SDK1: variants seen among roughly 807,000 people sequenced by gnomAD.
SDK1 encodes the protein protein sidekick-1.
SDK1 carries 157 observed loss-of-function variants against 245.5 expected under a neutral mutation model. The ratio of observed to expected loss-of-function variants is 0.64; its 90% CI spans 0.56 to 0.73. SDK1 has a LOEUF of 0.73. SDK1 is among the 30% of genes least tolerant of loss of function. The probability of loss-of-function intolerance (pLI) is 0.00; values close to 1 mark genes in which losing one functional copy is unlikely to be tolerated. For missense variants in SDK1, 3,583 were observed against 3,002.3 expected (o/e 1.19, Z -4.52); for synonymous variants, 1,647 against 1,278.5 (o/e 1.29, Z -6.15).
At chr7:3,955,766 G>A (rs1386892694) in intron 7 of SDK1, among the ~76,000 whole-genome samples, 1 of 152,230 alleles carries the variant, frequency 6.6e-6, no homozygotes, top group African/African-American at 2.4e-5. Flanking sequence ...GCATGGTGTT[G>A]TTGGGGGGTC....
intron 1 of SDK1, among the ~76,000 whole-genome samples, chr7:3,518,643 C>T (rs1207070864): frequency 6.6e-6 from 1 of 151,826 alleles, no homozygotes; most frequent in Non-Finnish European, 1.5e-5. Flanking sequence ...TCATCTCATC[C>T]CAGATAGGAT....
intron 5 of SDK1, among the ~76,000 whole-genome samples, chr7:3,869,609 G>C (rs7785172): frequency 6.6e-6 from 1 of 152,094 alleles, no homozygotes; most frequent in African/African-American, 2.4e-5. Flanking sequence ...TCCCCTCCCT[G>C]CTTGCTCAGC....
intron 25 of SDK1, among the ~76,000 whole-genome samples, chr7:4,115,370 G>A (rs1584185821): frequency 6.6e-6 from 1 of 152,338 alleles, no homozygotes; most frequent in African/African-American, 2.4e-5. Context: ...GAGGAGGTAT[G>A]AAGGGTTGAG....
At chr7:3,626,329 A>G (rs771968311) in intron 2 of SDK1, among the ~76,000 whole-genome samples, 32 of 152,232 alleles carry the variant, frequency 2.1e-4, no homozygotes, top group Non-Finnish European at 3.4e-4. Context: ...TGTTAAGTCT[A>G]ATTCATGAAA....
intron 4 of SDK1, among the ~76,000 whole-genome samples, chr7:3,762,448 G>A (rs182826327): frequency 2.6e-4 from 40 of 152,294 alleles, no homozygotes; most frequent in Admixed American, 4.6e-4. Context: ...CAAAAAACTA[G>A]TACTTCATTT....
chr7:3,700,973 G>C (rs1463039996), intron 4 of SDK1, among the ~76,000 whole-genome samples: 1 of 152,158 alleles, frequency 6.6e-6, no homozygotes, highest in Non-Finnish European at 1.5e-5. Context: ...AATGTGGAGA[G>C]CGGACATCTT....
intron 1 of SDK1, among the ~76,000 whole-genome samples, chr7:3,323,692 C>G (rs1031094416): frequency 2.6e-5 from 4 of 152,224 alleles, no homozygotes; most frequent in African/African-American, 9.6e-5. Context: ...GTTGGAGAAA[C>G]TCTGGGTTCA....
At chr7:3,361,085 T>C (rs1780938770) in intron 1 of SDK1, among the ~76,000 whole-genome samples, 1 of 152,196 alleles carries the variant, frequency 6.6e-6, no homozygotes, top group South Asian at 2.1e-4. Flanking sequence ...ACCGTATTGA[T>C]CAAATCATCT....
chr7:4,102,895 G>A (rs78900045), intron 22 of SDK1, among the ~76,000 whole-genome samples: 14,223 of 147,406 alleles, frequency 0.096, 741 homozygotes, highest in South Asian at 0.15. Context: ...TGAAATAGAT[G>A]CCATTTCTGC....
intron 1 of SDK1, among the ~76,000 whole-genome samples, chr7:3,474,885 T>A (rs1436121271): frequency 6.6e-6 from 1 of 152,004 alleles, no homozygotes; most frequent in Non-Finnish European, 1.5e-5. Context: ...AGAGACAGGG[T>A]CTCCTTATGT....
At chr7:4,214,588 C>G (rs1784683615) in intron 38 of SDK1, among the ~76,000 whole-genome samples, 1 of 152,186 alleles carries the variant, frequency 6.6e-6, no homozygotes, top group South Asian at 2.1e-4. Context: ...CGGCCAGGAT[C>G]TCAGCAGAAA....
At chr7:3,621,334 G>C (rs931140831) in intron 2 of SDK1, among the ~76,000 whole-genome samples, 4 of 152,070 alleles carry the variant, frequency 2.6e-5, no homozygotes, top group Non-Finnish European at 4.4e-5. Flanking sequence ...ATCTAATGTT[G>C]ATCTTTTTCC....
intron 5 of SDK1, among the ~76,000 whole-genome samples, chr7:3,875,403 C>T (rs1437339328): frequency 1.3e-5 from 2 of 152,180 alleles, no homozygotes; most frequent in African/African-American, 2.4e-5. Context: ...AAAACCAAAT[C>T]GTTCTTTAGT....
intron 35 of SDK1, among the ~76,000 whole-genome samples, chr7:4,203,375 C>G (rs1483930225): frequency 2.6e-5 from 4 of 152,218 alleles, no homozygotes; most frequent in Non-Finnish European, 5.9e-5. Context: ...TCACTCAGCT[C>G]TGCGATGGCA....
At chr7:3,924,093 C>CT (rs111644858) in intron 5 of SDK1, among the ~76,000 whole-genome samples, 2,586 of 143,646 alleles carry the variant, frequency 0.018, 51 homozygotes, top group African/African-American at 0.051. Context: ...AGAAATTCCT[C>CT]TTTTTTTTTT....
intron 1 of SDK1, among the ~76,000 whole-genome samples, chr7:3,412,933 A>G (rs1231188488): frequency 6.6e-6 from 1 of 152,216 alleles, no homozygotes; most frequent in African/African-American, 2.4e-5. Context: ...ATTTGGTTCT[A>G]GGGAATCAGC....
At chr7:3,908,447 C>T (rs1389661121) in intron 5 of SDK1, among the ~76,000 whole-genome samples, 2 of 152,186 alleles carry the variant, frequency 1.3e-5, no homozygotes, top group Non-Finnish European at 2.9e-5. Context: ...GATGCTCACC[C>T]GCAGTCCACT....
At chr7:4,219,083 G>C (rs568002925) in intron 38 of SDK1, among the ~76,000 whole-genome samples, 1 of 152,240 alleles carries the variant, frequency 6.6e-6, no homozygotes, top group African/African-American at 2.4e-5. Flanking sequence ...CATCCCATAG[G>C]TTTGAGGACG....
intron 1 of SDK1, among the ~76,000 whole-genome samples, chr7:3,583,547 C>CT (rs1274075415): frequency 1.3e-5 from 2 of 152,106 alleles, no homozygotes; most frequent in Non-Finnish European, 2.9e-5. Flanking sequence ...GCACTGATTT[C>CT]TTTATCATTC....
Sources: allele counts gnomAD v4.1 joint callset (sites outside exome capture counted in the v4.1 genomes callset), GRCh38; gene constraint gnomAD v4.1.1; transcripts MANE v1.5; gene names NCBI Gene and HGNC (gene_info 2026-07-23, HGNC 2026-07-21).